The following SYNE1 variants were observed in gnomAD, a reference collection of about 807,000 sequenced individuals.
SYNE1 encodes spectrin repeat containing nuclear envelope protein 1.
Under a neutral mutation model 1,111.0 loss-of-function variants are expected in SYNE1, and 616 were observed. The observed-to-expected ratio is 0.55, with a 90% CI of 0.52 to 0.59. SYNE1 has a LOEUF of 0.59. Ranked by LOEUF, SYNE1 falls within the 20% of genes least tolerant of loss-of-function variation. The probability of loss-of-function intolerance (pLI) is 0.00; values close to 1 mark genes in which losing one functional copy is unlikely to be tolerated. For missense variants in SYNE1, 10,006 were observed against 10,417.0 expected (o/e 0.96, Z 1.72); for synonymous variants, 3,855 against 3,825.8 (o/e 1.01, Z -0.28).
rs1052992971 is a variant in SYNE1 at position 152,289,690 on chromosome 6, A to G, written c.18012+3898T>C. On this transcript the variant is annotated intron_variant, in intron 95 of 145. Coordinates refer to ENST00000367255, the MANE Select transcript of SYNE1 (RefSeq NM_182961.4). ...CGCTCAGGCTGGAGTGCGGTGGCGC[A>G]ATCTCGGTTCACTGCAAGCTCCGCC... Among the ~76,000 whole-genome samples the G allele has an allele frequency of 4.6e-5, 7 of 151,466 alleles. No individual in the cohort carries two copies. The East Asian group carries it at 7.8e-4, about 17-fold the overall frequency.
chr6:152,635,883 A>C (rs751936679), intron 2 of SYNE1, among the ~76,000 whole-genome samples: 6 of 152,148 alleles, frequency 3.9e-5, no homozygotes, highest in Non-Finnish European at 8.8e-5. Flanking sequence ...CAGAACTTCC[A>C]GCATCCAAAG....
intron 8 of SYNE1, among the ~76,000 whole-genome samples, chr6:152,507,043 C>T (rs903006795): frequency 1.3e-5 from 2 of 152,154 alleles, no homozygotes; most frequent in Non-Finnish European, 2.9e-5. Context: ...GTAAAGTAAT[C>T]TTGAATCTTC....
At chr6:152,178,155 A>G (rs1404142734) in intron 129 of SYNE1, among the ~76,000 whole-genome samples, 2 of 152,084 alleles carry the variant, frequency 1.3e-5, no homozygotes, top group Non-Finnish European at 2.9e-5. Flanking sequence ...AAAAGCTGAA[A>G]TTTTTCTAAA....
chr6:152,325,768 A>C (rs2096052148), intron 80 of SYNE1, among the ~76,000 whole-genome samples, 190 bp downstream of exon 80: 1 of 152,214 alleles, frequency 6.6e-6, no homozygotes, highest in African/African-American at 2.4e-5. Context: ...CATCTTAGCT[A>C]TGCATTTCCA....
chr6:152,143,943 C>G, intron 137 of SYNE1, 178 bp from the exon 138 acceptor site: 1 of 864,978 alleles, frequency 1.2e-6, no homozygotes. Flanking sequence ...TTAAAATGGC[C>G]AAACCAATGA....
At chr6:152,612,958 T>TA (rs2099635966) in intron 3 of SYNE1, among the ~76,000 whole-genome samples, 1 of 152,148 alleles carries the variant, frequency 6.6e-6, no homozygotes, top group African/African-American at 2.4e-5. Context: ...TGCTTCATGC[T>TA]AAAAAATCTC....
In SYNE1 at chr6:152,456,130, GAAC is replaced by G. The variant is rs1412729950; in HGVS notation, c.2569-89_2569-87del. 4.2e-6 allele frequency: 6 copies of G among 1,427,006 alleles called. No homozygotes were observed. The African/African-American group carries it at 4.3e-5, about 10-fold the overall frequency. The allele number at this position is 1,427,006 out of a possible 1,614,324, so 88.4% of individuals were successfully genotyped here. On this transcript the variant is annotated intron_variant, in intron 22 of 145. Transcript: ENST00000367255. ...AGAGAGTGACCATTACAGATAATAA[GAAC>G]AACATTATATAGCTTTTAGGCTTCT... is the stretch of plus-strand genomic sequence containing the variant.
chr6:152,512,651 T>C (rs1308808729), intron 6 of SYNE1, among the ~76,000 whole-genome samples: 1 of 152,236 alleles, frequency 6.6e-6, no homozygotes, highest in East Asian at 1.9e-4. Flanking sequence ...CTTGAAATTG[T>C]ACATTGTTAA....
Position 152,407,203 on chromosome 6 carries a change from G to A in SYNE1, c.6541-7C>T. ...CTTCAAGTTTCTCTGATACCTAGGA[G>A]AGAAACAGAAGCCATGGCATTCATA... is the stretch of plus-strand genomic sequence containing the variant. On this transcript the variant is annotated splice_polypyrimidine_tract_variant and splice_region_variant and intron_variant, in intron 44 of 145. Transcript: ENST00000367255. 2 of 1,613,646 alleles carry A rather than the reference G, an allele frequency of 1.2e-6. No individual in the cohort carries two copies. The highest frequency in any genetic ancestry group is 1.1e-5 in the South Asian group (1 of 91,058).
chr6:152,483,056 C>T (rs2098917642), intron 14 of SYNE1, 29 bp downstream of exon 14: 1 of 1,614,024 alleles, frequency 6.2e-7, no homozygotes, highest in Non-Finnish European at 8.5e-7. Flanking sequence ...GGCTGTTATG[C>T]TGCAAGGTTT....
In SYNE1 at chr6:152,353,676, T is replaced by C. The variant is rs1407737879; in HGVS notation, c.10995A>G (p.Ile3665Met). The C allele has an allele frequency of 6.2e-7, 1 of 1,614,104 alleles. No homozygotes were observed. Among genetic ancestry groups the C allele is most frequent in the South Asian group, 1.1e-5 (1 of 91,092 alleles). The change falls in exon 68 of 146, where the codon ATA (isoleucine) becomes ATG (methionine). Residue 3665 changes from isoleucine (I) to methionine (M), a missense_variant. Ile to Met is a conservative substitution (Grantham distance 10). Transcript: ENST00000367255. ...VEEVGARAQE[I>M]LDESHVNSRM... ...TGCTGTTCACGTGGCTCTCGTCCAG[T>C]ATCTCCTGAGCTCTAGCTCCCACTT... is the stretch of plus-strand genomic sequence containing the variant.
chr6:152,536,821 C>T (rs1462614215), intron 4 of SYNE1, among the ~76,000 whole-genome samples: 1 of 152,030 alleles, frequency 6.6e-6, no homozygotes, highest in African/African-American at 2.4e-5. Context: ...ATCCATTTTT[C>T]TCCATTTAAG....
Position 152,330,947 on chromosome 6 carries a change from G to T in SYNE1, c.13738C>A (p.Gln4580Lys), listed in dbSNP as rs2096233877. 6.2e-7 allele frequency: 1 copy of T among 1,614,150 alleles called. No individual in the cohort carries two copies. The highest frequency in any genetic ancestry group is 8.5e-7 in the Non-Finnish European group (1 of 1,180,014). ...DFDKACHWLK[Q>K]ADIVTFPEIN... ...TCAGGAAATGTAACAATATCTGCTTGTTTTAGCCAGTGGCAAGCTTTATCA... is the reference window on the plus strand; with the variant it reads ...TCAGGAAATGTAACAATATCTGCTTTTTTTAGCCAGTGGCAAGCTTTATCA... Residue 4580 changes from glutamine (Q) to lysine (K), a missense_variant, in exon 78 of 146, where the codon CAA becomes AAA. Physicochemically the swap from Gln to Lys is moderately conservative, Grantham distance 53. Coordinates refer to ENST00000367255, the MANE Select transcript of SYNE1 (RefSeq NM_182961.4).
intron 137 of SYNE1, chr6:152,144,757 T>C (rs944561346): frequency 6.5e-6 from 1 of 152,926 alleles, no homozygotes. Context: ...ATCATATCAC[T>C]GCGTTCAAAC....
Position 152,409,608 on chromosome 6 carries a change from G to T in SYNE1, c.6332C>A (p.Thr2111Asn), listed in dbSNP as rs760835706. Residue 2111 changes from threonine to asparagine, a missense_variant, in exon 43 of 146, where the codon ACC becomes AAC. Physicochemically the swap from Thr to Asn is moderately conservative, Grantham distance 65 (BLOSUM62 0). This residue lies in a region of SYNE1 where 4,955 missense variants were observed against 5,017.2 expected (regional missense o/e 0.99). Coordinates refer to ENST00000367255, the MANE Select transcript of SYNE1 (RefSeq NM_182961.4). ...VLENASSVIV[T>N]RTTIKDQEDL... is the part of the protein sequence containing the mutation. Reference sequence around the variant, plus strand: ...CTCCTGATCTTTTATGGTAGTTCTGGTTACAATCACACTGCTGGCATTTTC... The same window carrying T: ...CTCCTGATCTTTTATGGTAGTTCTGTTTACAATCACACTGCTGGCATTTTC... 1 of 1,613,828 alleles carries T rather than the reference G, an allele frequency of 6.2e-7. No homozygotes were observed. Among genetic ancestry groups the T allele is most frequent in the African/African-American group, 1.3e-5 (1 of 75,008 alleles).
At chr6:152,358,704 A>G (rs754265223) in intron 65 of SYNE1, among the ~76,000 whole-genome samples, 167 bp from the exon 66 acceptor site, 1 of 152,198 alleles carries the variant, frequency 6.6e-6, no homozygotes, top group Non-Finnish European at 1.5e-5. Context: ...AAAATATAAA[A>G]ACCTAATATT....
At chr6:152,395,219 T>G (rs1443830649) in intron 51 of SYNE1, among the ~76,000 whole-genome samples, 1 of 152,148 alleles carries the variant, frequency 6.6e-6, no homozygotes, top group South Asian at 2.1e-4. Flanking sequence ...ATTAACACAA[T>G]GTTTAAAGGC....
intron 72 of SYNE1, among the ~76,000 whole-genome samples, chr6:152,349,075 G>T (rs1320717860): frequency 6.6e-6 from 1 of 152,198 alleles, no homozygotes; most frequent in Non-Finnish European, 1.5e-5. Context: ...CTTATAGACA[G>T]AAATGTTGCA....
intron 86 of SYNE1, among the ~76,000 whole-genome samples, chr6:152,317,343 C>G (rs1002635224): frequency 1.3e-5 from 2 of 151,496 alleles, no homozygotes; most frequent in Non-Finnish European, 2.9e-5. Flanking sequence ...ACCTCAGCCT[C>G]CCACGTAGCT....
Sources: allele counts gnomAD v4.1 joint callset (sites outside exome capture counted in the v4.1 genomes callset), GRCh38; gene constraint gnomAD v4.1.1; regional missense constraint gnomAD v4.1.1; transcripts MANE v1.5; gene names NCBI Gene and HGNC (gene_info 2026-07-23, HGNC 2026-07-21).